Variants in ITGA11 observed in about 807,000 individuals in gnomAD.
The protein encoded by ITGA11 is integrin alpha-11.
A neutral mutation model predicts 141.9 loss-of-function variants in ITGA11; 97 were observed. The observed-to-expected ratio is 0.68, with a 90% CI of 0.58 to 0.81. The LOEUF (loss-of-function observed/expected upper bound fraction) is 0.81, where lower values mean the gene tolerates loss of function less well. ITGA11 is among the 30% of genes least tolerant of loss of function. The pLI is 0.00. For missense variants in ITGA11, 1,387 were observed against 1,559.2 expected (o/e 0.89, Z 1.86); for synonymous variants, 658 against 624.6 (o/e 1.05, Z -0.80).
intron 21 of ITGA11, among the ~76,000 whole-genome samples, chr15:68,315,979 C>T (rs867765019): frequency 6.6e-6 from 1 of 152,206 alleles, no homozygotes; most frequent in Non-Finnish European, 1.5e-5. Flanking sequence ...CTGAGCCAGC[C>T]CCCCTCCCTC....
At position 68,339,615 on chromosome 15, in the gene ITGA11, G is replaced by T; in HGVS notation, c.1161C>A (p.Ala387=). Residue 387 remains alanine (A), a synonymous_variant, in exon 11 of 30, where the codon GCC becomes GCA. Coordinates refer to ENST00000315757, the MANE Select transcript of ITGA11 (RefSeq NM_001004439.2). ...TTAGCACAGCTCCATTCCAGTCATAGGCACCGACGGCTCCCAGCAGAACCC... is the reference window on the plus strand; with the variant it reads ...TTAGCACAGCTCCATTCCAGTCATATGCACCGACGGCTCCCAGCAGAACCC... ...EDGVLLGAVG[A]YDWNGAVLKE... is the part of the protein sequence containing the mutation. The T allele has an allele frequency of 6.2e-7, 1 of 1,613,982 alleles. No homozygotes were observed.
chr15:68,386,083 C>G (rs898658601), intron 2 of ITGA11, among the ~76,000 whole-genome samples: 34 of 152,260 alleles, frequency 2.2e-4, no homozygotes, highest in African/African-American at 8.2e-4. Flanking sequence ...TGGGGCTCTC[C>G]CCTCTGCCTG....
At position 68,342,997 on chromosome 15, in the gene ITGA11, T is replaced by TTCTCTC. The variant is rs6145615; in HGVS notation, c.1132-3359_1132-3354dup. Reference sequence around the variant, plus strand: ...TAGCTGTGTGACCCTGGGCAAGTTCTTCTCTCTCTCTCTCTCTCTCTCTCT... The same window carrying TTCTCTC: ...TAGCTGTGTGACCCTGGGCAAGTTCTTCTCTCTCTCTCTCTCTCTCTCTCTCTCTCT... On this transcript the variant is annotated intron_variant, in intron 10 of 29. Transcript: ENST00000315757. 8.3e-3 allele frequency among the ~76,000 whole-genome samples: 1,198 copies of TTCTCTC among 143,992 alleles called. 7 individuals are homozygous for TTCTCTC. The highest frequency in any genetic ancestry group is 0.018 in the African/African-American group (681 of 38,062). The allele number at this position is 143,992 out of a possible 152,430, so 94.5% of individuals were successfully genotyped here.
At chr15:68,397,651 TAA>T (rs1163479200) in intron 2 of ITGA11, among the ~76,000 whole-genome samples, 2 of 117,704 alleles carry the variant, frequency 1.7e-5, no homozygotes, top group African/African-American at 6.7e-5. Flanking sequence ...TAAAATATTT[TAA>T]AATATATATT....
chr15:68,351,048 T>C (rs1894895054), intron 8 of ITGA11, among the ~76,000 whole-genome samples: 1 of 152,056 alleles, frequency 6.6e-6, no homozygotes, highest in African/African-American at 2.4e-5. Flanking sequence ...TGGCAATGGA[T>C]GGGGGGAAAC....
At chr15:68,416,053 G>A (rs1307865255) in intron 1 of ITGA11, among the ~76,000 whole-genome samples, 1 of 152,172 alleles carries the variant, frequency 6.6e-6, no homozygotes, top group African/African-American at 2.4e-5. Context: ...GGAGCACCCT[G>A]ACCCTGGCCT....
chr15:68,331,126 AAG>A lies in ITGA11; in HGVS notation c.1771-17_1771-16del, dbSNP rs549579186. On this transcript the variant is annotated splice_polypyrimidine_tract_variant and intron_variant, in intron 14 of 29. Transcript: ENST00000315757. ...GCTGTGATTCTCTGCAGGGCGCGGG[AAG>A]AGAGGGGGAGGGCATGCACACTGTG... is the stretch of plus-strand genomic sequence containing the variant. The A allele has an allele frequency of 5.0e-4, 788 of 1,580,556 alleles. 15 individuals carry two copies. The South Asian group carries it at 8.6e-3, about 17-fold the overall frequency.
rs1894347418 is a variant in ITGA11, at chr15:68,336,096, T to C, written c.1277-251A>G. The C allele has an allele frequency of 5.4e-6, 3 of 555,582 alleles. No individual in the cohort carries two copies. The Admixed American group carries it at 9.6e-5, about 18-fold the overall frequency. 34.4% of individuals were successfully genotyped at this position (555,582 alleles called of 1,614,324 possible). A position where few individuals can be genotyped will look rare whatever the true frequency, so the allele number is the denominator to read the frequency against. Reference sequence around the variant, plus strand: ...GCACCCCAGCCCCTGCTGGAGAAAATAAAGGAAGCCAGGTGGGACTGCTAA... The same window carrying C: ...GCACCCCAGCCCCTGCTGGAGAAAACAAAGGAAGCCAGGTGGGACTGCTAA... On this transcript the variant is annotated intron_variant, in intron 11 of 29. Transcript: ENST00000315757.
chr15:68,357,861 T>G (rs963594684), intron 6 of ITGA11, among the ~76,000 whole-genome samples: 1 of 152,212 alleles, frequency 6.6e-6, no homozygotes, highest in Non-Finnish European at 1.5e-5. Flanking sequence ...CTTTCACCCA[T>G]GATACCCTAA....
At chr15:68,419,666 T>G (rs1248396725) in intron 1 of ITGA11, among the ~76,000 whole-genome samples, 2 of 152,242 alleles carry the variant, frequency 1.3e-5, no homozygotes, top group Non-Finnish European at 2.9e-5. Flanking sequence ...GCATAGCCCC[T>G]AAAGGGCTTT....
chr15:68,431,512 A>G (rs923664583), intron 1 of ITGA11, among the ~76,000 whole-genome samples: 1 of 151,594 alleles, frequency 6.6e-6, no homozygotes, highest in African/African-American at 2.4e-5. Context: ...CGCAGCCCTC[A>G]CCCCCACCCT....
rs534081798 is a variant in ITGA11, at chr15:68,415,579, G to A, written c.53-12550C>T. ...CCAGTCCACACCCACTGCTGCTTCC[G>A]GCAGGGAGTGGCTCTGAGCACGCCA... On this transcript the variant is annotated intron_variant, in intron 1 of 29. Transcript: ENST00000315757. 3.9e-5 allele frequency among the ~76,000 whole-genome samples: 6 copies of A among 152,312 alleles called. No homozygotes were observed. In the East Asian group the frequency reaches 5.8e-4, roughly 15 times the overall value.
intron 25 of ITGA11, 21 bp from the exon 26 acceptor site, chr15:68,311,101 C>A (rs778794265): frequency 5.7e-6 from 9 of 1,569,934 alleles, no homozygotes; most frequent in South Asian, 2.3e-5. Flanking sequence ...GACATGGACA[C>A]ACACACACAT....
intron 2 of ITGA11, among the ~76,000 whole-genome samples, chr15:68,395,323 T>C (rs1324282935): frequency 6.6e-6 from 1 of 152,146 alleles, no homozygotes; most frequent in African/African-American, 2.4e-5. Context: ...GGATGGAGAA[T>C]GACTTTGACG....
chr15:68,298,406 A>C lies in ITGA11; in HGVS notation c.*4653T>G, dbSNP rs999378626. On this transcript the variant is annotated 3_prime_UTR_variant, in exon 30 of 30. Transcript: ENST00000315757. ...TTCAGGCACTGCACCACAGATATGC[A>C]TACAAAAATAAGAGAGACCAGTGTG... The C allele has an allele frequency of 2.0e-5, 3 of 152,242 alleles. No homozygotes were observed. Among genetic ancestry groups the C allele is most frequent in the East Asian group, 3.9e-4 (2 of 5,176 alleles). The allele number at this position is 152,242 out of a possible 1,614,324, so 9.4% of individuals were successfully genotyped here. A position where few individuals can be genotyped will look rare whatever the true frequency, so the allele number is the denominator to read the frequency against.
In ITGA11 at chr15:68,432,135, T is replaced by C; in HGVS notation, c.-69A>G. 1 of 1,209,704 alleles carries C rather than the reference T, an allele frequency of 8.3e-7. No individual in the cohort carries two copies. Among genetic ancestry groups the C allele is most frequent in the Non-Finnish European group, 1.1e-6 (1 of 939,814 alleles). The allele number at this position is 1,209,704 out of a possible 1,614,324, so 74.9% of individuals were successfully genotyped here. ...GGGGCGGCAAGCCAGAGCGGCAGCC[T>C]CCTCGGCGCGGCGCCTGCAGCCTGC... is the stretch of plus-strand genomic sequence containing the variant. On this transcript the variant is annotated 5_prime_UTR_variant, in exon 1 of 30. Coordinates refer to ENST00000315757, the MANE Select transcript of ITGA11 (RefSeq NM_001004439.2).
rs543710861 is a variant in ITGA11, at chr15:68,302,918, G to A, written c.*141C>T. ...GAGTTCCATTCTGGAGGGAGCAGGC[G>A]CCATTGCTCGGGAGATGAGGTCAAG... On this transcript the variant is annotated 3_prime_UTR_variant, in exon 30 of 30. Transcript: ENST00000315757. 12 of 638,376 alleles carry A rather than the reference G, an allele frequency of 1.9e-5. No individual in the cohort carries two copies. The highest frequency in any genetic ancestry group is 1.0e-4 in the South Asian group (5 of 48,926). 39.5% of individuals were successfully genotyped at this position (638,376 alleles called of 1,614,324 possible).
intron 11 of ITGA11, among the ~76,000 whole-genome samples, chr15:68,338,956 A>G (rs1894464912): frequency 6.6e-6 from 1 of 152,230 alleles, no homozygotes. Context: ...CTGCTCCTGC[A>G]GAGCTGGAAG....
chr15:68,390,127 A>G (rs1896080275), intron 2 of ITGA11, among the ~76,000 whole-genome samples: 1 of 152,196 alleles, frequency 6.6e-6, no homozygotes, highest in South Asian at 2.1e-4. Context: ...TATTGTTGCT[A>G]GAACCAGGGG....
Sources: allele counts gnomAD v4.1 joint callset (sites outside exome capture counted in the v4.1 genomes callset), GRCh38; gene constraint gnomAD v4.1.1; transcripts MANE v1.5; gene names NCBI Gene and HGNC (gene_info 2026-07-23, HGNC 2026-07-21).